UMAD1: variants seen among roughly 807,000 people sequenced by gnomAD.
UMAD1 encodes the protein UBAP1-MVB12-associated (UMA)-domain containing protein 1.
In UMAD1, 8 loss-of-function variants were observed where a neutral mutation model predicts 6.1. The observed-to-expected ratio is 1.30, with a 90% CI of 0.76 to 2.35. The LOEUF (loss-of-function observed/expected upper bound fraction) is 2.35, where lower values mean the gene tolerates loss of function less well. Among genes scored for constraint, UMAD1 ranks in the 30% most tolerant of loss-of-function variants. The pLI, the probability that UMAD1 is intolerant of heterozygous loss-of-function variation, is 0.00. For missense variants in UMAD1, 130 were observed against 78.4 expected (o/e 1.66, Z -2.49); for synonymous variants, 56 against 31.4 (o/e 1.78, Z -2.61).
intron 1 of UMAD1, among the ~76,000 whole-genome samples, chr7:7,653,645 CT>C (rs1470623406): frequency 6.6e-6 from 1 of 152,212 alleles, no homozygotes; most frequent in East Asian, 1.9e-4. Flanking sequence ...GGGCAGTATT[CT>C]GAGAGTTCTC....
chr7:7,683,959 T>C (rs929602526), intron 2 of UMAD1, among the ~76,000 whole-genome samples: 1 of 152,208 alleles, frequency 6.6e-6, no homozygotes, highest in Non-Finnish European at 1.5e-5. Flanking sequence ...CAGTTTTCCC[T>C]TGGTATCTGT....
intron 2 of UMAD1, among the ~76,000 whole-genome samples, chr7:7,754,461 T>C (rs1246518920): frequency 6.6e-6 from 1 of 152,218 alleles, no homozygotes; most frequent in Non-Finnish European, 1.5e-5. Flanking sequence ...TTATTAGTTT[T>C]ATTTCCTACA....
intron 2 of UMAD1, among the ~76,000 whole-genome samples, chr7:7,731,205 T>G (rs1329083818): frequency 6.6e-6 from 1 of 152,118 alleles, no homozygotes; most frequent in Non-Finnish European, 1.5e-5. Context: ...TTCCACCATG[T>G]TGGCCAGGAT....
At chr7:7,745,798 C>T (rs1781561164) in intron 2 of UMAD1, among the ~76,000 whole-genome samples, 1 of 152,128 alleles carries the variant, frequency 6.6e-6, no homozygotes, top group South Asian at 2.1e-4. Flanking sequence ...ATTTTCTTTC[C>T]ATTCCCCCTC....
At chr7:7,682,460 A>G (rs1182151926) in intron 2 of UMAD1, among the ~76,000 whole-genome samples, 2 of 152,186 alleles carry the variant, frequency 1.3e-5, no homozygotes, top group Non-Finnish European at 1.5e-5. Flanking sequence ...TTTTAAAGGT[A>G]GTCTCTTCAT....
chr7:7,688,045 A>G (rs28912727), intron 2 of UMAD1, among the ~76,000 whole-genome samples: 138 of 152,254 alleles, frequency 9.1e-4, no homozygotes, highest in African/African-American at 3.1e-3. Context: ...TGCTGTTGCT[A>G]TGTTAGGGGT....
At chr7:7,658,525 T>G (rs1358240347) in intron 1 of UMAD1, among the ~76,000 whole-genome samples, 1 of 152,250 alleles carries the variant, frequency 6.6e-6, no homozygotes, top group East Asian at 1.9e-4. Context: ...TATGAAGGGC[T>G]GTTGAATTTT....
intron 1 of UMAD1, among the ~76,000 whole-genome samples, chr7:7,659,564 C>T (rs1248647244): frequency 6.6e-6 from 1 of 152,022 alleles, no homozygotes; most frequent in African/African-American, 2.4e-5. Context: ...CGTTATTTAC[C>T]CAGTAGTCAT....
chr7:7,731,563 A>G (rs1781256563), intron 2 of UMAD1, among the ~76,000 whole-genome samples: 1 of 150,234 alleles, frequency 6.7e-6, no homozygotes, highest in Admixed American at 6.6e-5. Flanking sequence ...CATTCTGGAG[A>G]ATTATGCCAA....
chr7:7,806,361 C>A (rs916582482), intron 3 of UMAD1, among the ~76,000 whole-genome samples: 2 of 152,080 alleles, frequency 1.3e-5, no homozygotes, highest in African/African-American at 4.8e-5. Flanking sequence ...GCTCCCCCAG[C>A]CAGAGACAAC....
At chr7:7,642,606 C>T (rs1326381558) in intron 1 of UMAD1, among the ~76,000 whole-genome samples, 4 of 152,084 alleles carry the variant, frequency 2.6e-5, no homozygotes, top group Non-Finnish European at 5.9e-5. Context: ...TTTAAAACAG[C>T]TTTTTCGTGT....
At position 7,670,545 on chromosome 7, in the gene UMAD1, C is replaced by T. The variant is rs28916001; in HGVS notation, c.-63-2764C>T. Among the ~76,000 whole-genome samples, 520 of 152,300 alleles carry T rather than the reference C, an allele frequency of 3.4e-3. 4 individuals carry two copies. The highest frequency in any genetic ancestry group is 0.011 in the African/African-American group (466 of 41,560). ...GTTCACCATATATTCAGATCTGTCT[C>T]TCTACTACTATAGGCAAAGTAACTC... On this transcript the variant is annotated intron_variant, in intron 1 of 3. Coordinates refer to ENST00000682710, the MANE Select transcript of UMAD1 (RefSeq NM_001302348.2).
At chr7:7,725,945 C>A (rs981884035) in intron 2 of UMAD1, among the ~76,000 whole-genome samples, 6 of 152,222 alleles carry the variant, frequency 3.9e-5, no homozygotes, top group Non-Finnish European at 7.3e-5. Context: ...TAGGACATCC[C>A]TGAAGGACAG....
At chr7:7,657,017 G>T (rs1474449248) in intron 1 of UMAD1, among the ~76,000 whole-genome samples, 1 of 152,102 alleles carries the variant, frequency 6.6e-6, no homozygotes, top group Non-Finnish European at 1.5e-5. Context: ...TCTAACTGGC[G>T]TGAGAATGTA....
intron 2 of UMAD1, among the ~76,000 whole-genome samples, chr7:7,757,281 G>A (rs1781796696): frequency 2.0e-5 from 3 of 152,158 alleles, no homozygotes; most frequent in Admixed American, 1.3e-4. Flanking sequence ...CAAGATGTGA[G>A]AAAATAAAAT....
At chr7:7,804,252 C>T (rs6944788) in intron 3 of UMAD1, among the ~76,000 whole-genome samples, 70,404 of 152,120 alleles carry the variant, frequency 0.46, 17,002 homozygotes, top group African/African-American at 0.6. Context: ...AGGGTTAAAT[C>T]GCAATGCAAG....
At chr7:7,859,353 T>A (rs1327889984) in intron 3 of UMAD1, among the ~76,000 whole-genome samples, 1 of 152,248 alleles carries the variant, frequency 6.6e-6, no homozygotes, top group Non-Finnish European at 1.5e-5. Flanking sequence ...TTTCTTACCA[T>A]AATCAAGAAC....
At chr7:7,708,331 G>A (rs1780657569) in intron 2 of UMAD1, among the ~76,000 whole-genome samples, 1 of 152,162 alleles carries the variant, frequency 6.6e-6, no homozygotes, top group Non-Finnish European at 1.5e-5. Context: ...GCTACTTGTA[G>A]ACGAAGGAAG....
chr7:7,866,705 G>C (rs2109972), intron 3 of UMAD1, among the ~76,000 whole-genome samples: 21,845 of 152,220 alleles, frequency 0.14, 2,225 homozygotes, highest in Non-Finnish European at 0.2. Flanking sequence ...TTAGGAATAA[G>C]AGTACAAGAA....
Sources: gnomAD v4.1 joint callset for allele counts (sites outside exome capture counted in the v4.1 genomes callset) on GRCh38, gnomAD v4.1.1 for gene constraint, MANE v1.5 for transcripts, NCBI Gene and HGNC (gene_info 2026-07-23, HGNC 2026-07-21) for gene names.